The following NUP160 variants were observed in gnomAD, a reference collection of about 807,000 sequenced individuals.
NUP160 encodes nuclear pore complex protein Nup160.
Under a neutral mutation model 196.9 loss-of-function variants are expected in NUP160, and 94 were observed. That is an observed-to-expected ratio of 0.48 (90% CI 0.40 to 0.57). The LOEUF is 0.57. Among genes scored for constraint, NUP160 ranks in the 20% least tolerant of loss-of-function variants. The pLI is 0.00. For missense variants in NUP160, 1,638 were observed against 1,748.3 expected, an observed-to-expected ratio of 0.94 and a Z score of 1.13; for synonymous variants, 605 against 619.7, an observed-to-expected ratio of 0.98 and a Z score of 0.35.
chr11:47,823,326 C>T (rs1851901487), intron 7 of NUP160, among the ~76,000 whole-genome samples: 1 of 152,170 alleles, frequency 6.6e-6, no homozygotes, highest in Non-Finnish European at 1.5e-5. Context: ...ATAACTAAAA[C>T]TCTATACTCA....
Position 47,808,532 on chromosome 11 carries a change from A to G in NUP160, c.2242-3T>C, listed in dbSNP as rs376510898. ...AGCTGACCAGTTCCCCAAATCACCT[A>G]TACATTATGGGTAGGTGGACCAGAC... On this transcript the variant is annotated splice_polypyrimidine_tract_variant and splice_region_variant and intron_variant, in intron 17 of 35. Coordinates refer to ENST00000378460, the Ensembl canonical transcript of NUP160. 44 of 1,612,922 alleles carry G rather than the reference A, an allele frequency of 2.7e-5. No homozygotes were observed. The African/African-American group carries it at 5.7e-4, about 21-fold the overall frequency.
intron 29 of NUP160, among the ~76,000 whole-genome samples, chr11:47,791,401 A>G (rs1180328967): frequency 6.6e-6 from 1 of 152,128 alleles, no homozygotes; most frequent in Non-Finnish European, 1.5e-5. Flanking sequence ...GTGCAGTGGC[A>G]CGATGTGTGC....
At chr11:47,783,910 T>C (rs1191381643) in intron 33 of NUP160, among the ~76,000 whole-genome samples, 1 of 151,984 alleles carries the variant, frequency 6.6e-6, no homozygotes, top group African/African-American at 2.4e-5. Flanking sequence ...GCCAGGCTGG[T>C]CTCGAATTCC....
At chr11:47,801,590 T>C (rs1326593616) in intron 23 of NUP160, among the ~76,000 whole-genome samples, 2 of 152,230 alleles carry the variant, frequency 1.3e-5, no homozygotes, top group Non-Finnish European at 2.9e-5. Flanking sequence ...CCTCAGGTGA[T>C]CTGCCTGCTT....
chr11:47,783,193 A>G (rs2097662512), exon 34 of NUP160: 1 of 1,613,310 alleles, frequency 6.2e-7, no homozygotes, highest in East Asian at 2.2e-5. Context: ...CAGCAGCATC[A>G]ACCTTCTGTG....
intron 6 of NUP160, 39 bp from the exon 7 acceptor site, chr11:47,835,848 T>C (rs1278724664): frequency 2.0e-6 from 3 of 1,476,092 alleles, no homozygotes; most frequent in Non-Finnish European, 9.2e-7. Flanking sequence ...ATTCAAGGGA[T>C]ATTCAGGCTA....
intron 2 of NUP160, among the ~76,000 whole-genome samples, chr11:47,845,795 T>G (rs1333736756): frequency 1.3e-5 from 2 of 150,980 alleles, no homozygotes; most frequent in Non-Finnish European, 3.0e-5. Context: ...CTCAGCCTCC[T>G]GAGTAGTTAA....
At chr11:47,813,259 G>A (rs894470245) in intron 14 of NUP160, 57 bp downstream of exon 14, 10 of 1,291,448 alleles carry the variant, frequency 7.7e-6, no homozygotes, top group African/African-American at 7.3e-5. Context: ...CATGTGAAAC[G>A]AAGCATAGGG....
chr11:47,801,893 C>T, exon 23 of NUP160: 2 of 1,613,686 alleles, frequency 1.2e-6, no homozygotes, highest in African/African-American at 1.3e-5. Context: ...TTCCTCTTTG[C>T]CTACTTCAGA....
At chr11:47,842,403 T>A (rs183120117) in intron 2 of NUP160, among the ~76,000 whole-genome samples, 162 of 152,272 alleles carry the variant, frequency 1.1e-3, no homozygotes, top group Admixed American at 2.9e-3. Context: ...TCTGAATAAT[T>A]CCTTCGCTTT....
intron 29 of NUP160, 85 bp from the exon 30 acceptor site, chr11:47,788,696 A>G: frequency 1.3e-6 from 1 of 753,076 alleles, no homozygotes; most frequent in Non-Finnish European, 2.2e-6. Context: ...TTTCCACTGA[A>G]CATTAAGTAA....
chr11:47,790,141 C>T (rs2097667089), intron 29 of NUP160, among the ~76,000 whole-genome samples: 1 of 151,876 alleles, frequency 6.6e-6, no homozygotes, highest in Non-Finnish European at 1.5e-5. Context: ...GACAGGGTTT[C>T]TCCATGTTGG....
rs2097675683 is a variant in NUP160 at position 47,803,605 on chromosome 11, TTA to T, written c.2677-71_2677-70del. The T allele has an allele frequency of 3.5e-6, 3 of 846,998 alleles. No homozygotes were observed. In the South Asian group the frequency reaches 4.2e-5, roughly 12 times the overall value. 52.5% of individuals were successfully genotyped at this position (846,998 alleles called of 1,614,324 possible). A position where few individuals can be genotyped will look rare whatever the true frequency, so the allele number is the denominator to read the frequency against. On this transcript the variant is annotated intron_variant, in intron 21 of 35. Transcript: ENST00000378460. ...ACTTAAGGAGATACTCATTCCCAAG[TTA>T]TTCGTCACAGAGGATGAAAAGACAG...
intron 7 of NUP160, among the ~76,000 whole-genome samples, chr11:47,825,597 G>A (rs780142647): frequency 2.0e-5 from 3 of 151,950 alleles, no homozygotes; most frequent in Non-Finnish European, 4.4e-5. Flanking sequence ...GGATTTACAG[G>A]CACGCACTAC....
intron 34 of NUP160, among the ~76,000 whole-genome samples, chr11:47,781,440 T>C (rs1427989154): frequency 9.2e-5 from 14 of 152,104 alleles, no homozygotes; most frequent in Admixed American, 7.9e-4. Context: ...TTTTTTTCTA[T>C]TTTTTGTAGA....
At chr11:47,828,010 T>C (rs1168859667) in intron 7 of NUP160, among the ~76,000 whole-genome samples, 2 of 152,120 alleles carry the variant, frequency 1.3e-5, no homozygotes, top group Non-Finnish European at 2.9e-5. Flanking sequence ...GCTGGTACTA[T>C]AGGAATGAGC....
chr11:47,805,462 T>C (rs952879405), intron 20 of NUP160, among the ~76,000 whole-genome samples: 7 of 150,770 alleles, frequency 4.6e-5, no homozygotes, highest in Admixed American at 1.3e-4. Context: ...TTTTTTTTTT[T>C]GAGACGGAGT....
At chr11:47,811,440 G>A (rs2097681048) in intron 17 of NUP160, among the ~76,000 whole-genome samples, 1 of 150,126 alleles carries the variant, frequency 6.7e-6, no homozygotes, top group Non-Finnish European at 1.5e-5. Context: ...GCTGAGATAA[G>A]GCCACCACAC....
intron 7 of NUP160, chr11:47,826,997 A>G: frequency 2.2e-6 from 1 of 455,672 alleles, no homozygotes; most frequent in Middle Eastern, 3.3e-4. Context: ...ACCAAACTGA[A>G]CACCCTTTCA....
Sources: gnomAD v4.1 joint callset for allele counts (sites outside exome capture counted in the v4.1 genomes callset) on GRCh38, gnomAD v4.1.1 for gene constraint, MANE v1.5 for transcripts, NCBI Gene and HGNC (gene_info 2026-07-23, HGNC 2026-07-21) for gene names.